The following FGF13 variants were observed in gnomAD, a reference collection of about 807,000 sequenced individuals.
FGF13 encodes fibroblast growth factor homologous factor 2.
Under a neutral mutation model 19.5 loss-of-function variants are expected in FGF13, and 2 were observed. That is an observed-to-expected ratio of 0.10 (90% CI 0.04 to 0.32). FGF13 has a LOEUF of 0.32. Ranked by LOEUF, FGF13 falls within the 10% of genes least tolerant of loss-of-function variation. The probability of loss-of-function intolerance (pLI) is 1.00; values close to 1 mark genes in which losing one functional copy is unlikely to be tolerated. For synonymous variants in FGF13, 72 were observed against 76.9 expected, an observed-to-expected ratio of 0.94 and a Z score of 0.33; for missense variants, 113 against 192.7, an observed-to-expected ratio of 0.59 and a Z score of 2.45.
intron 1 of FGF13, among the ~76,000 whole-genome samples, chrX:139,198,527 T>C (rs1209945634): frequency 8.9e-6 from 1 of 111,954 alleles, no homozygotes; most frequent in Non-Finnish European, 1.9e-5. Context: ...CTAGTACTAT[T>C]TCTATTTGAA....
chrX:138,786,760 G>C (rs1799341087), intron 3 of FGF13, among the ~76,000 whole-genome samples: 1 of 111,792 alleles, frequency 8.9e-6, no homozygotes, highest in Non-Finnish European at 1.9e-5. Context: ...TAACTAGTGT[G>C]TGATGCTGGG....
At chrX:138,927,312 C>A (rs1459975527) in intron 1 of FGF13, among the ~76,000 whole-genome samples, 1 of 111,863 alleles carries the variant, frequency 8.9e-6, no homozygotes, top group Non-Finnish European at 1.9e-5. Context: ...CTCCATAGAC[C>A]CATCCATAGA....
At chrX:139,173,978 C>T (rs1200060493) in intron 1 of FGF13, among the ~76,000 whole-genome samples, 2 of 112,281 alleles carry the variant, frequency 1.8e-5, no homozygotes, top group Non-Finnish European at 3.8e-5. Flanking sequence ...AATCACCACA[C>T]TGTCTTCCAC....
intron 1 of FGF13, among the ~76,000 whole-genome samples, chrX:139,091,145 T>A (rs187386239): frequency 9.1e-6 from 1 of 110,363 alleles, no homozygotes; most frequent in Admixed American, 9.7e-5. Context: ...ATTTGGGATC[T>A]AAGTAGAGCA....
intron 3 of FGF13, among the ~76,000 whole-genome samples, chrX:138,777,777 A>G (rs765725073): frequency 1.8e-5 from 2 of 111,696 alleles, no homozygotes; most frequent in Admixed American, 1.9e-4. Flanking sequence ...CCAAATCTCA[A>G]TGGAGTGACT....
chrX:138,912,148 T>C (rs1216037428), intron 1 of FGF13, among the ~76,000 whole-genome samples: 1 of 111,931 alleles, frequency 8.9e-6, no homozygotes, highest in Non-Finnish European at 1.9e-5. Context: ...CTGTTTAAGA[T>C]GACAAGCAGA....
At chrX:139,203,932 G>C, upstream of FGF13, 1 of 660,344 alleles carries the variant, frequency 1.5e-6, no homozygotes. Context: ...TTCTCCCGGG[G>C]TCGCAGAGGT....
At chrX:138,984,707 G>GAAGAAC (rs1350014331) in intron 1 of FGF13, among the ~76,000 whole-genome samples, 1 of 14,880 alleles carries the variant, frequency 6.7e-5, no homozygotes, top group Non-Finnish European at 2.5e-4. Flanking sequence ...AGAAGAAGAA[G>GAAGAAC]AGAAGGAGGA....
chrX:139,087,323 G>A (rs1239837946), intron 1 of FGF13, among the ~76,000 whole-genome samples: 1 of 110,914 alleles, frequency 9.0e-6, no homozygotes, highest in Non-Finnish European at 1.9e-5. Context: ...AGAAACTTAG[G>A]TGAGAGAACA....
At chrX:139,188,352 G>A (rs1449586317) in intron 1 of FGF13, among the ~76,000 whole-genome samples, 1 of 112,203 alleles carries the variant, frequency 8.9e-6, no homozygotes, top group Non-Finnish European at 1.9e-5. Context: ...AAGGATTGAG[G>A]GCGTTTATTA....
chrX:139,137,350 T>C (rs6528593), intron 1 of FGF13, among the ~76,000 whole-genome samples: 31,195 of 111,298 alleles, frequency 0.28, 3,619 homozygotes, highest in African/African-American at 0.43. Flanking sequence ...ACTGAACTTG[T>C]AGAACACATA....
At chrX:138,826,222 C>G (rs1228390485) in intron 3 of FGF13, among the ~76,000 whole-genome samples, 1 of 111,751 alleles carries the variant, frequency 8.9e-6, no homozygotes, top group Non-Finnish European at 1.9e-5. Flanking sequence ...GGTGCTGTAA[C>G]TCTAGTTTTA....
At chrX:139,134,536 C>G (rs1339648026) in intron 1 of FGF13, among the ~76,000 whole-genome samples, 4 of 111,242 alleles carry the variant, frequency 3.6e-5, no homozygotes, top group Non-Finnish European at 7.5e-5. Context: ...CACCTTGCAT[C>G]ATGGTTTCCT....
At chrX:138,634,864 G>T (rs2089164579) in intron 4 of FGF13, among the ~76,000 whole-genome samples, 1 of 112,010 alleles carries the variant, frequency 8.9e-6, no homozygotes, top group African/African-American at 3.2e-5. Flanking sequence ...ACTAAAAGTA[G>T]CATTGGATCC....
At chrX:139,005,787 CAT>C (rs1305108621) in intron 1 of FGF13, among the ~76,000 whole-genome samples, 2 of 104,407 alleles carry the variant, frequency 1.9e-5, no homozygotes, top group African/African-American at 7.0e-5. Context: ...ATGGAGTTGA[CAT>C]AGTGAAAAAT....
intron 1 of FGF13, among the ~76,000 whole-genome samples, chrX:139,138,870 C>T (rs2083819729): frequency 9.0e-6 from 1 of 110,778 alleles, no homozygotes; most frequent in African/African-American, 3.3e-5. Flanking sequence ...GGACTCTGAC[C>T]CAGGTCTTTT....
chrX:138,705,092 C>T (rs969489684), intron 2 of FGF13, among the ~76,000 whole-genome samples: 11 of 111,968 alleles, frequency 9.8e-5, no homozygotes, highest in African/African-American at 3.6e-4. Flanking sequence ...AAACTTCCAA[C>T]ATGGGGTTGG....
At chrX:138,914,606 G>T (rs1380323104) in intron 1 of FGF13, among the ~76,000 whole-genome samples, 1 of 101,151 alleles carries the variant, frequency 9.9e-6, no homozygotes, top group Non-Finnish European at 2.0e-5. Context: ...GTACAGCCAA[G>T]ACCTCACTAG....
chrX:139,204,381 C>T (rs2084448204), upstream of FGF13: 1 of 242,295 alleles, frequency 4.1e-6, no homozygotes, highest in Admixed American at 7.2e-5. Flanking sequence ...TCGCCGCGCT[C>T]AAGAAGTGAA....
Sources: allele counts gnomAD v4.1 joint callset (sites outside exome capture counted in the v4.1 genomes callset), GRCh38; gene constraint gnomAD v4.1.1; transcripts MANE v1.5; gene names NCBI Gene and HGNC (gene_info 2026-07-23, HGNC 2026-07-21).